The following CELSR2 variants were observed in gnomAD, a reference collection of about 807,000 sequenced individuals.
CELSR2 encodes cadherin EGF LAG seven-pass G-type receptor 2.
In CELSR2, 81 loss-of-function variants were observed where a neutral mutation model predicts 251.6. That is an observed-to-expected ratio of 0.32 (90% CI 0.27 to 0.39). CELSR2 has a LOEUF of 0.39. CELSR2 is among the 10% of genes least tolerant of loss of function. The pLI, the probability that CELSR2 is intolerant of heterozygous loss-of-function variation, is 1.00. For synonymous variants in CELSR2, 1,721 were observed against 1,670.5 expected (o/e 1.03, Z -0.74); for missense variants, 3,365 against 3,947.7 (o/e 0.85, Z 3.96).
Position 109,265,838 on chromosome 1 carries a change from C to T in CELSR2, c.5831C>T (p.Pro1944Leu), listed in dbSNP as rs1656170861. ...RVCDPEDGQC[P>L]CKPGVIGRQC... ...TGTGACCCTGAGGATGGCCAGTGTC[C>T]ATGCAAGCCAGGTGTCATCGGGCGT... Residue 1944 changes from proline (P) to leucine (L), a missense_variant, in exon 14 of 34, where the codon CCA becomes CTA. This residue lies in a region of CELSR2 where 2,093 missense variants were observed against 2,382.8 expected (regional missense o/e 0.88). Coordinates refer to ENST00000271332, the MANE Select transcript of CELSR2 (RefSeq NM_001408.3). The T allele has an allele frequency of 6.2e-7, 1 of 1,614,010 alleles. No homozygotes were observed. Among genetic ancestry groups the T allele is most frequent in the Admixed American group, 1.7e-5 (1 of 60,004 alleles).
intron 15 of CELSR2, 69 bp from the exon 16 acceptor site, chr1:109,267,479 C>A (rs1284869570): frequency 4.5e-5 from 66 of 1,455,006 alleles, no homozygotes; most frequent in Non-Finnish European, 5.7e-5. Context: ...CCAGCAGAAC[C>A]TCTCAGCCAG....
chr1:109,269,096 G>A lies in CELSR2; in HGVS notation c.6632-14G>A. Reference sequence around the variant, plus strand: ...GAGCAGGGCCCAGCTAAGTGTGACAGTGTCCCCTCCCAGAGACGCCCCCCG... The same window carrying A: ...GAGCAGGGCCCAGCTAAGTGTGACAATGTCCCCTCCCAGAGACGCCCCCCG... On this transcript the variant is annotated splice_polypyrimidine_tract_variant and intron_variant, in intron 19 of 33. Coordinates refer to ENST00000271332, the MANE Select transcript of CELSR2 (RefSeq NM_001408.3). This position sits in a 1 kb window ranked among gnomAD's most constrained non-coding sequence, Gnocchi z 6.4. 1.3e-6 allele frequency: 2 copies of A among 1,598,478 alleles called. No individual in the cohort carries two copies. The highest frequency in any genetic ancestry group is 1.7e-6 in the Non-Finnish European group (2 of 1,171,126).
rs777456822 is a variant in CELSR2 at position 109,258,649 on chromosome 1, C to T, written c.3528C>T (p.Pro1176=). 23 of 1,550,386 alleles carry T rather than the reference C, an allele frequency of 1.5e-5. 1 individual carries two copies. Among genetic ancestry groups the T allele is most frequent in the East Asian group, 2.4e-5 (1 of 41,184 alleles). The stretch of plus-strand genomic sequence containing the variant: ...ACGTACAGCGGGACACCGACGCCCC[C>T]GGGGGCCACATCCTCAACGTGAGCC... ...VFNVQRDTDA[P]GGHILNVSLS... is the part of the protein sequence containing the mutation. The change falls in exon 2 of 34, where the codon CCC becomes CCT. Residue 1176 remains proline (P), a synonymous_variant. Coordinates refer to ENST00000271332, the MANE Select transcript of CELSR2 (RefSeq NM_001408.3).
Position 109,273,302 on chromosome 1 carries a change from C to G in CELSR2, c.8475C>G (p.Gly2825=). The G allele has an allele frequency of 6.3e-7, 1 of 1,599,644 alleles. No homozygotes were observed. ...CCCTGTCTCGAGAGGGGTCCCTAGG[C>G]CCCCTTCCAGGCTCTTCTGCCCAGC... ...GDALSREGSL[G]PLPGSSAQPH... is the part of the protein sequence containing the mutation. The change falls in exon 32 of 34, where the codon GGC becomes GGG. Residue 2825 remains glycine, a synonymous_variant. Coordinates refer to ENST00000271332, the MANE Select transcript of CELSR2 (RefSeq NM_001408.3).
chr1:109,270,404 C>T (rs1656336972), intron 23 of CELSR2, 22 bp from the exon 24 acceptor site: 3 of 1,612,886 alleles, frequency 1.9e-6, no homozygotes, highest in Non-Finnish European at 2.5e-6. Flanking sequence ...GGTCGCTGAC[C>T]TGCCCTGGCC....
In CELSR2 at chr1:109,269,498, G is replaced by T; in HGVS notation, c.6887G>T (p.Arg2296Leu). The change falls in exon 21 of 34, where the codon CGG becomes CTG. Residue 2296 changes from arginine (R) to leucine (L), a missense_variant. By Grantham distance (102) the Arg-to-Leu change is moderately radical. Around this residue, in one of 5 missense-constraint regions of CELSR2, gnomAD observed 2,093 missense variants for 2,382.8 expected, o/e 0.88. Coordinates refer to ENST00000271332, the MANE Select transcript of CELSR2 (RefSeq NM_001408.3). This position sits in a 1 kb window ranked among gnomAD's most constrained non-coding sequence, Gnocchi z 6.4. ...CATGATGATGAGGAGCTTCTGCCCC[G>T]GGCCCTGGACAAACCCGTCACGGTG... is the stretch of plus-strand genomic sequence containing the variant. ...SVHDDEELLP[R>L]ALDKPVTVQF... The T allele has an allele frequency of 6.2e-7, 1 of 1,614,048 alleles. No homozygotes were observed. Among genetic ancestry groups the T allele is most frequent in the Non-Finnish European group, 8.5e-7 (1 of 1,180,022 alleles).
Position 109,252,993 on chromosome 1 carries a change from G to A in CELSR2, c.2914G>A (p.Asp972Asn). 6.2e-7 allele frequency: 1 copy of A among 1,612,154 alleles called. No homozygotes were observed. Among genetic ancestry groups the A allele is most frequent in the Non-Finnish European group, 8.5e-7 (1 of 1,178,776 alleles). ...EGNIPEVFQLDIFSGELTALV... is the reference protein window; with the variant it reads ...EGNIPEVFQLNIFSGELTALV... ...CAACATCCCTGAGGTCTTTCAGCTG[G>A]ACATCTTCTCCGGGGAGCTGACAGC... The change falls in exon 1 of 34, where the codon GAC (aspartate) becomes AAC (asparagine). Residue 972 changes from aspartate to asparagine, a missense_variant. Physicochemically the swap from Asp to Asn is conservative, Grantham distance 23. Transcript: ENST00000271332. The surrounding 1 kb of genome is among the most constrained non-coding windows in gnomAD (Gnocchi z 4.8).
chr1:109,265,750 C>T lies in CELSR2; in HGVS notation c.5743C>T (p.Pro1915Ser). 1.2e-6 allele frequency: 2 copies of T among 1,611,152 alleles called. No homozygotes were observed. Among genetic ancestry groups the T allele is most frequent in the Non-Finnish European group, 1.7e-6 (2 of 1,177,738 alleles). ...ECHCKENHYR[P>S]PGSPTCLLCD... Reference sequence around the variant, plus strand: ...CCTTTCTCAGGAGAACCACTACCGGCCCCCAGGCAGCCCCACCTGCCTCTT... The same window carrying T: ...CCTTTCTCAGGAGAACCACTACCGGTCCCCAGGCAGCCCCACCTGCCTCTT... The change falls in exon 14 of 34, where the codon CCC (proline) becomes TCC (serine). Residue 1915 changes from proline (P) to serine (S), a missense_variant. Transcript: ENST00000271332.
At chr1:109,260,955 A>G in intron 2 of CELSR2, 87 bp from the exon 3 acceptor site, 1 of 1,008,296 alleles carries the variant, frequency 9.9e-7, no homozygotes, top group Non-Finnish European at 1.5e-6. Context: ...ACGGGAGGCC[A>G]TGGGAGCTAT....
In CELSR2 at chr1:109,252,270, G is replaced by A; in HGVS notation, c.2191G>A (p.Val731Met). ...TGAGGACCGGCCGGCAGGCACCACG[G>A]TGGTGCTGATCAGCGCCACGGATGA... The part of the protein sequence containing the change: ...VNEDRPAGTT[V>M]VLISATDEDT... The change falls in exon 1 of 34, where the codon GTG becomes ATG. Residue 731 changes from valine (V) to methionine (M), a missense_variant. Physicochemically the swap from Val to Met is conservative, Grantham distance 21 (BLOSUM62 1). Transcript: ENST00000271332. The surrounding 1 kb of genome is among the most constrained non-coding windows in gnomAD (Gnocchi z 4.8). 2 of 1,613,298 alleles carry A rather than the reference G, an allele frequency of 1.2e-6. No homozygotes were observed. Among genetic ancestry groups the A allele is most frequent in the Middle Eastern group, 1.6e-4 (1 of 6,062 alleles).
Position 109,273,015 on chromosome 1 carries a change from A to G in CELSR2, c.8326A>G (p.Ser2776Gly), listed in dbSNP as rs748205666. The G allele has an allele frequency of 2.5e-6, 4 of 1,611,688 alleles. No homozygotes were observed. The East Asian group carries it at 6.7e-5, about 27-fold the overall frequency. ...TGGAGCAGAGAGACTGCCCCTGCAC[A>G]GTACTCCCAAGGGTGGGCCAGCACT... Reference protein sequence around the residue: ...GPGAERLPLHSTPKDGGPGPG... With the variant: ...GPGAERLPLHGTPKDGGPGPG... The change falls in exon 31 of 34, where the codon AGT becomes GGT. Residue 2776 changes from serine to glycine, a missense_variant. This residue lies in a region of CELSR2 where 2,093 missense variants were observed against 2,382.8 expected (regional missense o/e 0.88). Coordinates refer to ENST00000271332, the MANE Select transcript of CELSR2 (RefSeq NM_001408.3).
At position 109,258,751 on chromosome 1, in the gene CELSR2, C is replaced by T. The variant is rs780879725; in HGVS notation, c.3630C>T (p.Tyr1210=). 1 of 1,578,272 alleles carries T rather than the reference C, an allele frequency of 6.3e-7. No individual in the cohort carries two copies. Among genetic ancestry groups the T allele is most frequent in the Non-Finnish European group, 8.6e-7 (1 of 1,162,390 alleles). Residue 1210 remains tyrosine (Y), a synonymous_variant, in exon 2 of 34, where the codon TAC becomes TAT. Transcript: ENST00000271332. The part of the protein sequence containing the change: ...LPSEDLQERL[Y]LNRSLLTAIS... ...CTGAGGACCTGCAGGAGCGCCTATACCTCAACCGCAGCCTGCTGACGGCCA... is the reference window on the plus strand; with the variant it reads ...CTGAGGACCTGCAGGAGCGCCTATATCTCAACCGCAGCCTGCTGACGGCCA...
In CELSR2 at chr1:109,258,597, C is replaced by T. The variant is rs775923398; in HGVS notation, c.3476C>T (p.Thr1159Met). Residue 1159 changes from threonine (T) to methionine (M), a missense_variant, in exon 2 of 34, where the codon ACG becomes ATG. This residue lies in a region of CELSR2 where 3 missense variants were observed against 16.1 expected (regional missense o/e 0.19). Coordinates refer to ENST00000271332, the MANE Select transcript of CELSR2 (RefSeq NM_001408.3). The stretch of plus-strand genomic sequence containing the variant: ...CAGGCGGTGGCCGCCACGCTGGCCA[C>T]GCCACCGGACCACGTGGTGGTCTTC... ...FIQAVAATLATPPDHVVVFNV... is the reference protein window; with the variant it reads ...FIQAVAATLAMPPDHVVVFNV... 1.4e-5 allele frequency: 23 copies of T among 1,591,746 alleles called. No individual in the cohort carries two copies. In the South Asian group the frequency reaches 1.8e-4, roughly 13 times the overall value.
intron 1 of CELSR2, among the ~76,000 whole-genome samples, chr1:109,255,142 G>A (rs1655810278): frequency 6.6e-6 from 1 of 152,226 alleles, no homozygotes; most frequent in Non-Finnish European, 1.5e-5. Context: ...CTTCGGCCCT[G>A]ACCCTTGGAG....
Position 109,249,829 on chromosome 1 carries a change from G to T in CELSR2, c.-251G>T, listed in dbSNP as rs1380548687. On this transcript the variant is annotated 5_prime_UTR_variant, in exon 1 of 34. Coordinates refer to ENST00000271332, the MANE Select transcript of CELSR2 (RefSeq NM_001408.3). ...GAGTGCCCGGAGCGCAGGTGGAGGC[G>T]CGGCGGCAGCCCGCGGTGCTCAGGG... Among the ~76,000 whole-genome samples the T allele has an allele frequency of 6.7e-6, 1 of 150,142 alleles. No homozygotes were observed. The highest frequency in any genetic ancestry group is 6.6e-5 in the Admixed American group (1 of 15,114).
In CELSR2 at chr1:109,264,986, C is replaced by T. The variant is rs1656147527; in HGVS notation, c.5583C>T (p.Tyr1861=). The T allele has an allele frequency of 6.2e-7, 1 of 1,614,076 alleles. No individual in the cohort carries two copies. Among genetic ancestry groups the T allele is most frequent in the African/African-American group, 1.3e-5 (1 of 74,912 alleles). Residue 1861 remains tyrosine, a synonymous_variant, in exon 12 of 34, where the codon TAC becomes TAT. Transcript: ENST00000271332. ...HGYTCECPPN[Y]LGPYCETRID... is the part of the protein sequence containing the mutation. ...ATACCTGCGAGTGTCCCCCAAATTA[C>T]CTTGGGCCATACTGTGAGACCAGGT...
Position 109,252,986 on chromosome 1 carries a change from T to C in CELSR2, c.2907T>C (p.Phe969=), listed in dbSNP as rs437444. The change falls in exon 1 of 34, where the codon TTT becomes TTC. Residue 969 remains phenylalanine, a synonymous_variant. Transcript: ENST00000271332. This position sits in a 1 kb window ranked among gnomAD's most constrained non-coding sequence, Gnocchi z 4.8. The part of the protein sequence containing the change: ...QIVEGNIPEV[F]QLDIFSGELT... ...TGGAGGGCAACATCCCTGAGGTCTT[T>C]CAGCTGGACATCTTCTCCGGGGAGC... The C allele has an allele frequency of 0.96, 1,541,024 of 1,611,974 alleles. 737,703 individuals carry two copies. Among genetic ancestry groups the C allele is most frequent in the East Asian group, 1 (44,810 of 44,828 alleles).
chr1:109,273,504 C>G lies in CELSR2; in HGVS notation c.8578C>G (p.Gln2860Glu). ...KSSLLRLPLE[Q>E]CTGSSRGSSA... ...CAGCCTCCTGCGGCTCCCCCTGGAG[C>G]AATGCACAGGGTCTTCCCGGGGCTC... Residue 2860 changes from glutamine to glutamate, a missense_variant, in exon 33 of 34, where the codon CAA becomes GAA. By Grantham distance (29) the Gln-to-Glu change is conservative (BLOSUM62 2). Coordinates refer to ENST00000271332, the MANE Select transcript of CELSR2 (RefSeq NM_001408.3). 6.2e-7 allele frequency: 1 copy of G among 1,610,374 alleles called. No individual in the cohort carries two copies. The highest frequency in any genetic ancestry group is 1.1e-5 in the South Asian group (1 of 90,476).
intron 25 of CELSR2, 65 bp from the exon 26 acceptor site, chr1:109,271,152 C>T: frequency 1.9e-6 from 3 of 1,555,712 alleles, no homozygotes; most frequent in South Asian, 1.1e-5. Flanking sequence ...GGCCACGGGG[C>T]CCTGTGGGCT....
Sources: gnomAD v4.1 joint callset for allele counts (sites outside exome capture counted in the v4.1 genomes callset) on GRCh38, gnomAD v4.1.1 for gene constraint, gnomAD v4.1.1 regional missense constraint, Gnocchi (gnomAD v3.1) non-coding constraint, MANE v1.5 for transcripts, NCBI Gene and HGNC (gene_info 2026-07-23, HGNC 2026-07-21) for gene names.